Variants in PRRX2 observed in about 807,000 individuals in gnomAD.
PRRX2 encodes the protein paired mesoderm homeobox protein 2.
PRRX2 carries 11 observed loss-of-function variants against 18.0 expected under a neutral mutation model. The observed-to-expected ratio is 0.61, with a 90% CI of 0.39 to 1.01. PRRX2 has a LOEUF of 1.01. PRRX2 is among the 50% of genes least tolerant of loss of function. PRRX2 has a pLI of 0.01. For synonymous variants in PRRX2, 177 were observed against 154.8 expected (o/e 1.14, Z -1.06); for missense variants, 387 against 351.0 (o/e 1.10, Z -0.82).
chr9:129,688,477 A>G (rs1832320843), intron 1 of PRRX2, among the ~76,000 whole-genome samples: 1 of 152,138 alleles, frequency 6.6e-6, no homozygotes, highest in Non-Finnish European at 1.5e-5. Flanking sequence ...TCCCTCCCAC[A>G]GTCTCTGCCC....
At chr9:129,706,298 T>TAAAAATTAACTGA (rs769551052) in intron 1 of PRRX2, among the ~76,000 whole-genome samples, 43,783 of 151,060 alleles carry the variant, frequency 0.29, 7,665 homozygotes, top group East Asian at 0.52. Flanking sequence ...AAATTTTTTT[T>TAAAAATTAACTGA]TCCCAGGCGC....
Position 129,709,042 on chromosome 9 carries a change from C to T in PRRX2, c.260-10189C>T, listed in dbSNP as rs1292648497. Among the ~76,000 whole-genome samples, 13 of 152,132 alleles carry T rather than the reference C, an allele frequency of 8.5e-5. No individual in the cohort carries two copies. Among genetic ancestry groups the T allele is most frequent in the African/African-American group, 2.7e-4 (11 of 41,414 alleles). ...TAGGAGTCCATAACAAGGAGACCTG[C>T]GCTTGTATGGGAGCCGGGAAGGCCT... On this transcript the variant is annotated intron_variant, in intron 1 of 3. Transcript: ENST00000372469. The surrounding 1 kb of genome is among the most constrained non-coding windows in gnomAD (Gnocchi z 4.2).
At chr9:129,678,883 C>T (rs1192424789) in intron 1 of PRRX2, among the ~76,000 whole-genome samples, 2 of 152,154 alleles carry the variant, frequency 1.3e-5, no homozygotes, top group Non-Finnish European at 2.9e-5. Context: ...GCCCAGAGCT[C>T]GCTGGGCTGC....
chr9:129,666,004 TG>T lies in PRRX2; in HGVS notation c.139del (p.Glu47LysfsTer149). ...TTCTCGGTGAGCCACCTCCTGGACC[TG>T]GAAGAGGTGGCGGCGGCCGGGCGGC... ...KNFSVSHLLD[L>X]EEVAAAGRLA... is the part of the protein sequence containing the mutation. On this transcript the variant is annotated frameshift_variant, in exon 1 of 4. Coordinates refer to ENST00000372469, the MANE Select transcript of PRRX2 (RefSeq NM_016307.4). LOFTEE classifies it high-confidence loss of function. The T allele has an allele frequency of 9.3e-7, 1 of 1,075,324 alleles. No individual in the cohort carries two copies. Among genetic ancestry groups the T allele is most frequent in the Non-Finnish European group, 1.1e-6 (1 of 890,628 alleles). 66.6% of individuals were successfully genotyped at this position (1,075,324 alleles called of 1,614,324 possible).
chr9:129,693,415 G>A (rs1564149637), intron 1 of PRRX2, among the ~76,000 whole-genome samples: 1 of 152,110 alleles, frequency 6.6e-6, no homozygotes, highest in Non-Finnish European at 1.5e-5. Context: ...CCAACATGGC[G>A]AAACCCCGTC....
At chr9:129,720,462 A>G (rs1395502771) in intron 2 of PRRX2, 134 bp from the exon 3 acceptor site, 1 of 756,078 alleles carries the variant, frequency 1.3e-6, no homozygotes, top group Non-Finnish European at 2.1e-6. Context: ...CCCATTCTAC[A>G]GATGAAAAAA....
chr9:129,699,435 A>ATGTGTGTGTG (rs966193468), intron 1 of PRRX2, among the ~76,000 whole-genome samples: 6 of 142,576 alleles, frequency 4.2e-5, no homozygotes, highest in African/African-American at 1.7e-4. Flanking sequence ...AAAAAAATAT[A>ATGTGTGTGTG]TATATGTGTG....
intron 1 of PRRX2, among the ~76,000 whole-genome samples, chr9:129,686,845 C>T (rs2130916239): frequency 6.6e-6 from 1 of 152,352 alleles, no homozygotes; most frequent in South Asian, 2.1e-4. Flanking sequence ...CTCCAATGTC[C>T]TTATTTTTTC....
At chr9:129,714,999 G>C (rs1017394827) in intron 1 of PRRX2, among the ~76,000 whole-genome samples, 1 of 152,138 alleles carries the variant, frequency 6.6e-6, no homozygotes, top group Non-Finnish European at 1.5e-5. Flanking sequence ...CATCGAGGTG[G>C]TGGGGGTGGA....
At chr9:129,698,705 G>A (rs750182939) in intron 1 of PRRX2, among the ~76,000 whole-genome samples, 16 of 152,320 alleles carry the variant, frequency 1.1e-4, no homozygotes, top group African/African-American at 1.7e-4. Flanking sequence ...ACTACCTCAC[G>A]TCACTACCAT....
chr9:129,677,091 G>A (rs1005001765), intron 1 of PRRX2, among the ~76,000 whole-genome samples: 5 of 152,200 alleles, frequency 3.3e-5, no homozygotes, highest in Admixed American at 1.3e-4. Context: ...TTTGTTCAGC[G>A]CATGTGCGTG....
At chr9:129,708,118 C>T (rs1832579318) in intron 1 of PRRX2, among the ~76,000 whole-genome samples, 1 of 152,130 alleles carries the variant, frequency 6.6e-6, no homozygotes, top group South Asian at 2.1e-4. Context: ...TCACTGCAAC[C>T]TCCACCTCCC....
At chr9:129,706,151 G>A (rs1381521950) in intron 1 of PRRX2, among the ~76,000 whole-genome samples, 1 of 152,068 alleles carries the variant, frequency 6.6e-6, no homozygotes, top group Non-Finnish European at 1.5e-5. Flanking sequence ...CCCATTTAAA[G>A]TGCACAGTCC....
intron 2 of PRRX2, 126 bp downstream of exon 2, chr9:129,719,544 G>A (rs929735103): frequency 8.2e-7 from 1 of 1,224,120 alleles, no homozygotes; most frequent in Non-Finnish European, 1.1e-6. Flanking sequence ...CCAGGAGGAC[G>A]GGGGTTCAGA....
intron 1 of PRRX2, among the ~76,000 whole-genome samples, chr9:129,707,992 G>A (rs1832577529): frequency 6.6e-6 from 1 of 152,100 alleles, no homozygotes; most frequent in South Asian, 2.1e-4. Flanking sequence ...GTGTATGAGG[G>A]TTCTAGTTTC....
At chr9:129,685,391 G>A (rs1408453878) in intron 1 of PRRX2, among the ~76,000 whole-genome samples, 1 of 152,108 alleles carries the variant, frequency 6.6e-6, no homozygotes, top group Non-Finnish European at 1.5e-5. Flanking sequence ...TTTTGAGGCA[G>A]GGTCTCACTC....
intron 3 of PRRX2, 32 bp from the exon 4 acceptor site, chr9:129,722,185 C>T: frequency 6.2e-7 from 1 of 1,602,714 alleles, no homozygotes; most frequent in South Asian, 1.1e-5. Flanking sequence ...GCCAACCGCA[C>T]CCATGTGACC....
At chr9:129,707,295 GC>G (rs1291143547) in intron 1 of PRRX2, among the ~76,000 whole-genome samples, 1 of 151,992 alleles carries the variant, frequency 6.6e-6, no homozygotes, top group Non-Finnish European at 1.5e-5. Flanking sequence ...AAGAAATCAT[GC>G]ACTATATATT....
intron 1 of PRRX2, among the ~76,000 whole-genome samples, chr9:129,668,106 G>A (rs992991936): frequency 4.6e-5 from 7 of 152,176 alleles, no homozygotes; most frequent in African/African-American, 9.7e-5. Flanking sequence ...CCTGGGCTCC[G>A]CCCGGGGTGT....
Sources: gnomAD v4.1 joint callset for allele counts (sites outside exome capture counted in the v4.1 genomes callset) on GRCh38, gnomAD v4.1.1 for gene constraint, Gnocchi (gnomAD v3.1) non-coding constraint, MANE v1.5 for transcripts, NCBI Gene and HGNC (gene_info 2026-07-23, HGNC 2026-07-21) for gene names.